CASK: variants seen among roughly 807,000 people sequenced by gnomAD.
CASK encodes the protein peripheral plasma membrane protein CASK.
A neutral mutation model predicts 82.9 loss-of-function variants in CASK; 4 were observed. That is an observed-to-expected ratio of 0.05 (90% CI 0.02 to 0.11). CASK has a LOEUF of 0.11. Ranked by LOEUF, CASK falls within the 10% of genes least tolerant of loss-of-function variation. The pLI is 1.00. For synonymous variants in CASK, 259 were observed against 253.5 expected (o/e 1.02, Z -0.20); for missense variants, 358 against 720.9 (o/e 0.50, Z 5.76).
intron 2 of CASK, among the ~76,000 whole-genome samples, chrX:41,829,736 T>TACAC (rs2070755104): frequency 2.7e-5 from 1 of 36,797 alleles, no homozygotes; most frequent in Non-Finnish European, 4.7e-5. Context: ...TATATATATA[T>TACAC]ATATATATAT....
At chrX:41,570,012 T>C (rs888576091) in intron 15 of CASK, among the ~76,000 whole-genome samples, 11 of 83,436 alleles carry the variant, frequency 1.3e-4, no homozygotes, top group Middle Eastern at 5.8e-3. Context: ...TCTTTTTTCT[T>C]TTTTTTTTTT....
In CASK at chrX:41,890,892, C is replaced by CT. The variant is rs35528568; in HGVS notation, c.59+32037dup. ...GGTTGTGTAGGTGTTACTATAATTT[C>CT]TTTTTTTTTTTTTTTGAGACAGTCT... On this transcript the variant is annotated intron_variant, in intron 1 of 26. Coordinates refer to ENST00000378163, the MANE Select transcript of CASK (RefSeq NM_001367721.1). Among the ~76,000 whole-genome samples the CT allele has an allele frequency of 0.01, 994 of 96,794 alleles. 48 individuals are homozygous for CT. In the East Asian group the frequency reaches 0.14, roughly 14 times the overall value. The allele number at this position is 96,794 out of a possible 115,157, so 84.1% of individuals were successfully genotyped here. A position where few individuals can be genotyped will look rare whatever the true frequency, so the allele number is the denominator to read the frequency against.
intron 11 of CASK, among the ~76,000 whole-genome samples, chrX:41,613,622 GATCA>G (rs1389969691): frequency 3.1e-5 from 2 of 64,278 alleles, no homozygotes; most frequent in Non-Finnish European, 5.6e-5. Flanking sequence ...ACCCAAGAAT[GATCA>G]ATTAAAAAAA....
intron 21 of CASK, among the ~76,000 whole-genome samples, chrX:41,544,610 G>T (rs974137160): frequency 9.3e-6 from 1 of 107,652 alleles, no homozygotes; most frequent in Non-Finnish European, 1.9e-5. Context: ...CTTAGCAGGG[G>T]ATTTCCCAAC....
At chrX:41,696,556 C>T (rs1423792493) in intron 5 of CASK, 1 of 1,205,413 alleles carries the variant, frequency 8.3e-7, no homozygotes, top group Non-Finnish European at 1.1e-6. Context: ...GTTCACAAAA[C>T]CAATGAGATC....
At chrX:41,696,689 G>T (rs762378642) in intron 5 of CASK, 4 of 1,207,598 alleles carry the variant, frequency 3.3e-6, no homozygotes, top group Non-Finnish European at 4.5e-6. Context: ...AACCAAGTAG[G>T]AGTGAAAGCA....
At chrX:41,569,291 G>A (rs181862940) in intron 16 of CASK, among the ~76,000 whole-genome samples, 5 of 111,175 alleles carry the variant, frequency 4.5e-5, no homozygotes, top group South Asian at 3.8e-4. Context: ...TTTATCTCCC[G>A]TGGTCCCCGT....
In CASK at chrX:41,579,286, T is replaced by C. The variant is rs1410579581; in HGVS notation, c.1315-758A>G. Among the ~76,000 whole-genome samples, 11 of 112,352 alleles carry C rather than the reference T, an allele frequency of 9.8e-5. No homozygotes were observed. The Admixed American group carries it at 1.0e-3, about 11-fold the overall frequency. ...ACGTAATCTTCCAAAATATCACGTA[T>C]GATATGGAACTCAAACTCTAAATAT... is the stretch of plus-strand genomic sequence containing the variant. On this transcript the variant is annotated intron_variant, in intron 14 of 26. Transcript: ENST00000378163.
chrX:41,614,121 T>G (rs1054958234), intron 11 of CASK, among the ~76,000 whole-genome samples: 1 of 111,993 alleles, frequency 8.9e-6, no homozygotes, highest in African/African-American at 3.3e-5. Flanking sequence ...AACCTGGATA[T>G]TGACATTGAT....
chrX:41,881,640 C>T (rs1438547934), intron 1 of CASK, among the ~76,000 whole-genome samples: 1 of 111,449 alleles, frequency 9.0e-6, no homozygotes, highest in Non-Finnish European at 1.9e-5. Flanking sequence ...CTTGATATGC[C>T]ATTTTAGTTC....
At chrX:41,668,122 T>C (rs2067144072) in intron 6 of CASK, among the ~76,000 whole-genome samples, 1 of 111,820 alleles carries the variant, frequency 8.9e-6, no homozygotes, top group African/African-American at 3.3e-5. Flanking sequence ...AGGTCCTAGA[T>C]ACCCTCAGCC....
chrX:41,807,786 G>A (rs950689994), intron 2 of CASK, among the ~76,000 whole-genome samples: 8 of 111,354 alleles, frequency 7.2e-5, no homozygotes, highest in African/African-American at 1.6e-4. Flanking sequence ...GCCCACTCTC[G>A]CGATAACAAC....
At chrX:41,680,092 C>T (rs755343674) in intron 5 of CASK, among the ~76,000 whole-genome samples, 32 of 109,128 alleles carry the variant, frequency 2.9e-4, no homozygotes, top group Non-Finnish European at 5.3e-4. Context: ...TCCAGCTACT[C>T]GAGAGGCTGA....
chrX:41,814,264 C>T (rs1424010345), intron 2 of CASK, among the ~76,000 whole-genome samples: 1 of 111,654 alleles, frequency 9.0e-6, no homozygotes, highest in Non-Finnish European at 1.9e-5. Context: ...AAGGATTAAA[C>T]ATCATGCTGC....
At chrX:41,880,256 TC>T (rs2071923660) in intron 1 of CASK, among the ~76,000 whole-genome samples, 1 of 111,831 alleles carries the variant, frequency 8.9e-6, no homozygotes, top group Non-Finnish European at 1.9e-5. Context: ...CTGGTAACAT[TC>T]TAGTTTCTTG....
At chrX:41,639,911 T>G (rs1160428059) in intron 8 of CASK, among the ~76,000 whole-genome samples, 2 of 112,173 alleles carry the variant, frequency 1.8e-5, no homozygotes, top group African/African-American at 6.5e-5. Context: ...GTATCAATAG[T>G]TCATTCCTTT....
Position 41,739,468 on chromosome X carries a change from A to G in CASK, c.357-12T>C. ...GTCTCATATAATGGCTGTAAAAAAC[A>G]AAAGAAATCTAAAAACTGTAAACAA... is the stretch of plus-strand genomic sequence containing the variant. On this transcript the variant is annotated splice_polypyrimidine_tract_variant and intron_variant, in intron 4 of 26. Coordinates refer to ENST00000378163, the MANE Select transcript of CASK (RefSeq NM_001367721.1). 1 of 1,090,201 alleles carries G rather than the reference A, an allele frequency of 9.2e-7. No homozygotes were observed. The highest frequency in any genetic ancestry group is 1.3e-6 in the Non-Finnish European group (1 of 785,322). 89.8% of individuals were successfully genotyped at this position (1,090,201 alleles called of 1,213,427 possible).
At chrX:41,547,902 C>T (rs2065046308) in intron 21 of CASK, among the ~76,000 whole-genome samples, 2 of 112,526 alleles carry the variant, frequency 1.8e-5, no homozygotes, top group African/African-American at 6.4e-5. Flanking sequence ...GGATTACAGG[C>T]GTGAGCCACC....
chrX:41,555,148 A>AT (rs1195940131), intron 20 of CASK, among the ~76,000 whole-genome samples: 2 of 112,435 alleles, frequency 1.8e-5, no homozygotes, highest in Admixed American at 1.9e-4. Context: ...TTCTTTTCTT[A>AT]TTTTTCATTG....
Sources: allele counts gnomAD v4.1 joint callset (sites outside exome capture counted in the v4.1 genomes callset), GRCh38; gene constraint gnomAD v4.1.1; transcripts MANE v1.5; gene names NCBI Gene and HGNC (gene_info 2026-07-23, HGNC 2026-07-21).